FARS2: variants seen among roughly 807,000 people sequenced by gnomAD.
The protein encoded by FARS2 is phenylalanyl-tRNA synthetase 2, mitochondrial.
A neutral mutation model predicts 46.4 loss-of-function variants in FARS2; 40 were observed. The observed-to-expected ratio is 0.86, with a 90% CI of 0.67 to 1.12. The LOEUF (loss-of-function observed/expected upper bound fraction) is 1.12. Ranked by LOEUF, FARS2 falls within the 50% of genes most tolerant of loss-of-function variation. The pLI, the probability that FARS2 is intolerant of heterozygous loss-of-function variation, is 0.00. For missense variants in FARS2, 513 were observed against 567.9 expected, an observed-to-expected ratio of 0.90 and a Z score of 0.98; for synonymous variants, 234 against 214.9, an observed-to-expected ratio of 1.09 and a Z score of -0.78.
intron 6 of FARS2, among the ~76,000 whole-genome samples, chr6:5,729,142 T>G (rs1760465537): frequency 6.6e-6 from 1 of 152,212 alleles, no homozygotes; most frequent in East Asian, 1.9e-4. Flanking sequence ...AAGCAGGCAT[T>G]TAGTCCCAGG....
Position 5,311,407 on chromosome 6 carries a change from C to T in FARS2, c.-22+49747C>T, listed in dbSNP as rs953937147. Among the ~76,000 whole-genome samples, 17 of 151,618 alleles carry T rather than the reference C, an allele frequency of 1.1e-4. No homozygotes were observed. Among genetic ancestry groups the T allele is most frequent in the Non-Finnish European group, 2.1e-4 (14 of 67,862 alleles). ...ACAGAAGGGGGTCCTATTTCAGTCA[C>T]GTGTGTGTGTGTGTACATTTGGCAT... On this transcript the variant is annotated intron_variant, in intron 1 of 6. Coordinates refer to ENST00000274680, the MANE Select transcript of FARS2 (RefSeq NM_006567.5). The surrounding 1 kb of genome is among the most constrained non-coding windows in gnomAD (Gnocchi z 4.1).
chr6:5,434,365 G>C (rs1763400102), intron 4 of FARS2, among the ~76,000 whole-genome samples: 1 of 152,060 alleles, frequency 6.6e-6, no homozygotes, highest in African/African-American at 2.4e-5. Context: ...ACCCACCTTG[G>C]CCTCCCAAAA....
intron 4 of FARS2, among the ~76,000 whole-genome samples, chr6:5,498,211 A>G (rs528166853): frequency 1.3e-5 from 2 of 152,356 alleles, no homozygotes; most frequent in Non-Finnish European, 2.9e-5. Context: ...GGTGTTCTAA[A>G]TTGGAAACAC....
intron 6 of FARS2, among the ~76,000 whole-genome samples, chr6:5,676,990 A>G (rs1778802308): frequency 6.6e-6 from 1 of 152,260 alleles, no homozygotes; most frequent in Non-Finnish European, 1.5e-5. Flanking sequence ...TTATCATTGG[A>G]AACAATTATT....
chr6:5,744,750 C>T (rs1226821659), intron 6 of FARS2, among the ~76,000 whole-genome samples: 3 of 152,210 alleles, frequency 2.0e-5, no homozygotes, highest in Non-Finnish European at 4.4e-5. Flanking sequence ...TCAGGGCAGT[C>T]CCGTGATTGG....
intron 6 of FARS2, among the ~76,000 whole-genome samples, chr6:5,742,142 C>T (rs1168216170): frequency 2.6e-5 from 4 of 152,004 alleles, no homozygotes; most frequent in Non-Finnish European, 5.9e-5. Flanking sequence ...AGCTTTTGCC[C>T]CAGGATTGCC....
intron 5 of FARS2, among the ~76,000 whole-genome samples, chr6:5,594,692 C>G (rs1218219016): frequency 6.6e-6 from 1 of 152,118 alleles, no homozygotes; most frequent in Non-Finnish European, 1.5e-5. Context: ...AGAGCTAAGG[C>G]CCAGACCCCT....
chr6:5,430,409 A>G (rs1288833885), intron 3 of FARS2, among the ~76,000 whole-genome samples: 1 of 152,072 alleles, frequency 6.6e-6, no homozygotes, highest in African/African-American at 2.4e-5. Flanking sequence ...AAAGTGCTGT[A>G]TTTATGTTTG....
chr6:5,588,919 T>C (rs1190279169), intron 5 of FARS2, among the ~76,000 whole-genome samples: 2 of 152,294 alleles, frequency 1.3e-5, no homozygotes, highest in South Asian at 2.1e-4. Context: ...GGCAATCAGC[T>C]CTTTGGGGCC....
intron 5 of FARS2, among the ~76,000 whole-genome samples, chr6:5,605,795 T>C (rs1328712480): frequency 6.6e-6 from 1 of 151,358 alleles, no homozygotes; most frequent in Non-Finnish European, 1.5e-5. Flanking sequence ...GGAGAAATAA[T>C]AACCATTAAA....
At chr6:5,643,976 C>A (rs757681396) in intron 6 of FARS2, among the ~76,000 whole-genome samples, 39 of 152,262 alleles carry the variant, frequency 2.6e-4, no homozygotes, top group Admixed American at 7.2e-4. Flanking sequence ...ACTGTACCCA[C>A]GAGAAAGAGT....
At position 5,540,318 on chromosome 6, in the gene FARS2, A is replaced by G. The variant is rs540965393; in HGVS notation, c.905-4862A>G. ...TTTTAGATGGTATTTATTCCCTTCAATGCTGTTACTTCTGAGCATTTTGTG... is the reference window on the plus strand; with the variant it reads ...TTTTAGATGGTATTTATTCCCTTCAGTGCTGTTACTTCTGAGCATTTTGTG... On this transcript the variant is annotated intron_variant, in intron 4 of 6. Coordinates refer to ENST00000274680, the MANE Select transcript of FARS2 (RefSeq NM_006567.5). 2.6e-5 allele frequency among the ~76,000 whole-genome samples: 4 copies of G among 152,352 alleles called. No homozygotes were observed. In the East Asian group the frequency reaches 7.7e-4, roughly 29 times the overall value.
At chr6:5,473,739 T>C (rs1765950000) in intron 4 of FARS2, among the ~76,000 whole-genome samples, 1 of 152,190 alleles carries the variant, frequency 6.6e-6, no homozygotes, top group Admixed American at 6.5e-5. Flanking sequence ...TGGATTATCT[T>C]TGTTACTTGC....
chr6:5,466,715 C>A, intron 4 of FARS2: 1 of 982,468 alleles, frequency 1.0e-6, no homozygotes. Context: ...CTGTTTCCTT[C>A]CAGAGAGTCG....
the FARS2 span, among the ~76,000 whole-genome samples, chr6:5,251,412 G>C: frequency 1.3e-5 from 2 of 152,184 alleles, no homozygotes; most frequent in African/African-American, 4.8e-5. Flanking sequence ...TCTGCAGGCT[G>C]TACAGGAATT....
intron 6 of FARS2, among the ~76,000 whole-genome samples, chr6:5,663,102 T>C (rs1428414728): frequency 6.6e-6 from 1 of 152,220 alleles, no homozygotes; most frequent in Admixed American, 6.5e-5. Flanking sequence ...GGTGATTCTA[T>C]GTCCAGTTTT....
At chr6:5,275,011 A>T (rs1014479280) in intron 1 of FARS2, among the ~76,000 whole-genome samples, 9 of 152,196 alleles carry the variant, frequency 5.9e-5, no homozygotes, top group Non-Finnish European at 1.5e-5. Context: ...GCCTGGCCCT[A>T]CATATTTCAA....
chr6:5,481,352 A>G (rs1027034057), intron 4 of FARS2, among the ~76,000 whole-genome samples: 2 of 152,214 alleles, frequency 1.3e-5, no homozygotes, highest in African/African-American at 2.4e-5. Context: ...CTTATTAGCT[A>G]GTTAAGGCTG....
chr6:5,310,688 G>A (rs1365423388), intron 1 of FARS2, among the ~76,000 whole-genome samples: 2 of 152,126 alleles, frequency 1.3e-5, no homozygotes, highest in Admixed American at 6.5e-5. Flanking sequence ...TTTTTGACCC[G>A]TTTGGCAAAC....
Sources: allele counts gnomAD v4.1 joint callset (sites outside exome capture counted in the v4.1 genomes callset), GRCh38; gene constraint gnomAD v4.1.1; non-coding constraint Gnocchi (gnomAD v3.1); transcripts MANE v1.5; gene names NCBI Gene and HGNC (gene_info 2026-07-23, HGNC 2026-07-21).